Variants in NTM observed in about 807,000 individuals in gnomAD.
NTM encodes the protein neurotrimin, also known as IgLON family member 2.
In NTM, 13 loss-of-function variants were observed where a neutral mutation model predicts 42.1. The observed-to-expected ratio is 0.31, with a 90% CI of 0.20 to 0.49. The LOEUF is 0.49. Ranked by LOEUF, NTM falls within the 20% of genes least tolerant of loss-of-function variation. The probability of loss-of-function intolerance (pLI) is 0.99; values close to 1 mark genes in which losing one functional copy is unlikely to be tolerated. For missense variants in NTM, 373 were observed against 452.8 expected (o/e 0.82, Z 1.60); for synonymous variants, 187 against 179.2 (o/e 1.04, Z -0.35).
chr11:131,914,825 A>G (rs1023260492), intron 2 of NTM, among the ~76,000 whole-genome samples: 2 of 152,200 alleles, frequency 1.3e-5, no homozygotes, highest in African/African-American at 2.4e-5. Context: ...AGTGCTCACT[A>G]TGTGTTGGGG....
At chr11:131,702,609 A>C (rs1331535585) in intron 1 of NTM, among the ~76,000 whole-genome samples, 1 of 152,226 alleles carries the variant, frequency 6.6e-6, no homozygotes, top group African/African-American at 2.4e-5. Context: ...ACAAACAGGA[A>C]GAAATGAACC....
intron 1 of NTM, among the ~76,000 whole-genome samples, chr11:131,821,816 A>G (rs986254204): frequency 1.3e-5 from 2 of 152,188 alleles, no homozygotes; most frequent in African/African-American, 4.8e-5. Flanking sequence ...TACACCATTG[A>G]CTGATCCATG....
At position 131,605,875 on chromosome 11, in the gene NTM, C is replaced by T. The variant is rs1425724061; in HGVS notation, c.82+234987C>T. The T allele has an allele frequency of 3.1e-6, 3 of 983,278 alleles. No individual in the cohort carries two copies. In the African/African-American group the frequency reaches 5.2e-5, roughly 17 times the overall value. The allele number at this position is 983,278 out of a possible 1,614,324, so 60.9% of individuals were successfully genotyped here. ...TGGACTATCTCACCTGAGGCAGCTT[C>T]ACCACCCCACTCTATTAATCATTGT... On this transcript the variant is annotated intron_variant, in intron 1 of 8. Transcript: ENST00000683400.
At chr11:131,401,736 C>T (rs1347222045) in intron 1 of NTM, among the ~76,000 whole-genome samples, 3 of 133,086 alleles carry the variant, frequency 2.3e-5, no homozygotes, top group African/African-American at 8.4e-5. Flanking sequence ...ATAAATTTTA[C>T]CATTGAAAAC....
chr11:132,115,959 C>G (rs11222941), intron 2 of NTM, among the ~76,000 whole-genome samples: 2,731 of 152,322 alleles, frequency 0.018, 51 homozygotes, highest in South Asian at 0.1. Flanking sequence ...CCTTGTAATG[C>G]TCTTTGCCCC....
At chr11:131,910,908 C>T in intron 1 of NTM, 16 of 986,558 alleles carry the variant, frequency 1.6e-5, no homozygotes, top group Non-Finnish European at 1.8e-5. Flanking sequence ...CCCGCGCGGC[C>T]GTCTCCTCCG....
chr11:132,292,746 T>A (rs546309312), intron 4 of NTM, among the ~76,000 whole-genome samples: 16 of 125,330 alleles, frequency 1.3e-4, no homozygotes, highest in Non-Finnish European at 2.5e-4. Context: ...AGAACAATGA[T>A]GCGTTATAAA....
At chr11:132,075,278 A>G (rs759428085) in intron 2 of NTM, among the ~76,000 whole-genome samples, 2 of 152,218 alleles carry the variant, frequency 1.3e-5, no homozygotes, top group Non-Finnish European at 1.5e-5. Flanking sequence ...ACCGTATTAT[A>G]CACTGAAAAT....
Position 131,491,378 on chromosome 11 carries a change from A to G in NTM, c.82+120490A>G, listed in dbSNP as rs116317962. ...TGCATTGGGGAGATATTTAATAACAATATTATTTTCCTGGAGTTTCTGATG... is the reference window on the plus strand; with the variant it reads ...TGCATTGGGGAGATATTTAATAACAGTATTATTTTCCTGGAGTTTCTGATG... On this transcript the variant is annotated intron_variant, in intron 1 of 8. Coordinates refer to ENST00000683400, the MANE Select transcript of NTM (RefSeq NM_001352005.2). Among the ~76,000 whole-genome samples the G allele has an allele frequency of 8.0e-3, 1,205 of 149,958 alleles. 15 individuals are homozygous for G. The highest frequency in any genetic ancestry group is 0.029 in the African/African-American group (1,156 of 39,346).
chr11:131,752,446 G>A (rs1406325230), intron 1 of NTM, among the ~76,000 whole-genome samples: 2 of 152,218 alleles, frequency 1.3e-5, no homozygotes, highest in African/African-American at 4.8e-5. Context: ...TGGTGGGACT[G>A]TAAACTAGTT....
intron 1 of NTM, among the ~76,000 whole-genome samples, chr11:131,784,076 A>G (rs977297792): frequency 1.4e-4 from 22 of 152,174 alleles, no homozygotes; most frequent in Non-Finnish European, 2.9e-5. Context: ...GCAAACTGAA[A>G]CCACAATGAA....
chr11:131,756,910 T>C (rs1165989636), intron 1 of NTM, among the ~76,000 whole-genome samples: 1 of 152,048 alleles, frequency 6.6e-6, no homozygotes, highest in East Asian at 1.9e-4. Context: ...CCGAGGAAGA[T>C]CAGTGAAGCA....
At chr11:131,458,899 A>G (rs1951135749) in intron 1 of NTM, among the ~76,000 whole-genome samples, 1 of 152,236 alleles carries the variant, frequency 6.6e-6, no homozygotes, top group South Asian at 2.1e-4. Flanking sequence ...CATTTCTAAC[A>G]AGGTCCTAAT....
intron 7 of NTM, 134 bp downstream of exon 7, chr11:132,314,837 G>A (rs2095381957): frequency 2.9e-6 from 4 of 1,395,120 alleles, no homozygotes; most frequent in Non-Finnish European, 3.7e-6. Context: ...GGAAAAAAAA[G>A]AGAGAGACAC....
intron 1 of NTM, among the ~76,000 whole-genome samples, chr11:131,738,157 C>T (rs567882685): frequency 1.3e-5 from 2 of 152,264 alleles, no homozygotes; most frequent in Admixed American, 6.5e-5. Flanking sequence ...GCCCTCACTC[C>T]TGGGTTTCTC....
At chr11:132,162,706 T>TTG (rs1171460938) in intron 3 of NTM, among the ~76,000 whole-genome samples, 1 of 148,274 alleles carries the variant, frequency 6.7e-6, no homozygotes, top group Non-Finnish European at 1.5e-5. Flanking sequence ...GTATGTGATC[T>TTG]TGTGTGTGTG....
intron 4 of NTM, among the ~76,000 whole-genome samples, chr11:132,235,286 T>A (rs1379958309): frequency 6.6e-6 from 1 of 152,042 alleles, no homozygotes; most frequent in Non-Finnish European, 1.5e-5. Flanking sequence ...GGAAGCAAGG[T>A]GGGTTATCAA....
At chr11:131,757,879 C>A (rs906773584) in intron 1 of NTM, among the ~76,000 whole-genome samples, 4 of 151,960 alleles carry the variant, frequency 2.6e-5, no homozygotes, top group Admixed American at 6.6e-5. Context: ...ATGCAAAGAA[C>A]GTTTTAAAAA....
At chr11:132,268,140 G>A (rs1342992083) in intron 4 of NTM, among the ~76,000 whole-genome samples, 5 of 152,114 alleles carry the variant, frequency 3.3e-5, no homozygotes, top group African/African-American at 1.2e-4. Flanking sequence ...TAAAGATTTT[G>A]CCACTATGGA....
Sources: allele counts gnomAD v4.1 joint callset (sites outside exome capture counted in the v4.1 genomes callset), GRCh38; gene constraint gnomAD v4.1.1; transcripts MANE v1.5; gene names NCBI Gene and HGNC (gene_info 2026-07-23, HGNC 2026-07-21).